Variants in CKAP2 observed in about 807,000 individuals in gnomAD.
CKAP2 encodes cytoskeleton-associated protein 2.
In CKAP2, 46 loss-of-function variants were observed where a neutral mutation model predicts 58.4. That is an observed-to-expected ratio of 0.79 (90% CI 0.62 to 1.01). The LOEUF (loss-of-function observed/expected upper bound fraction) is 1.01. CKAP2 is among the 50% of genes least tolerant of loss of function. CKAP2 has a pLI of 0.00. For synonymous variants in CKAP2, 293 were observed against 280.9 expected, an observed-to-expected ratio of 1.04 and a Z score of -0.43; for missense variants, 809 against 796.4, an observed-to-expected ratio of 1.02 and a Z score of -0.19.
Position 52,465,296 on chromosome 13 carries a change from G to A in CKAP2, c.1307G>A (p.Gly436Glu), listed in dbSNP as rs778889760. The A allele has an allele frequency of 6.3e-7, 1 of 1,597,986 alleles. No individual in the cohort carries two copies. Among genetic ancestry groups the A allele is most frequent in the Non-Finnish European group, 8.5e-7 (1 of 1,175,266 alleles). Residue 436 changes from glycine to glutamate, a missense_variant and splice_region_variant, in exon 6 of 9, where the codon GGA (glycine) becomes GAA (glutamate). Around this residue, in one of 3 missense-constraint regions of CKAP2, gnomAD observed 3 missense variants for 16.4 expected, o/e 0.18. Transcript: ENST00000258607. ...FSECLNLINE[G>E]CPKEDILVTL... ...ACACATTTTTTCTTGCTTTTTTAGG[G>A]ATGTCCAAAAGAAGATATACTGGTC...
chr13:52,462,613 C>T, intron 5 of CKAP2, 46 bp downstream of exon 5: 1 of 1,427,560 alleles, frequency 7.0e-7, no homozygotes, highest in Non-Finnish European at 9.7e-7. Flanking sequence ...TGCAAATTAC[C>T]TTCATAAGCA....
rs371432306 is a variant in CKAP2 at position 52,465,339 on chromosome 13, T to A, written c.1350T>A (p.Ile450=). The change falls in exon 6 of 9, where the codon ATT becomes ATA. Residue 450 remains isoleucine, a synonymous_variant. Coordinates refer to ENST00000258607, the MANE Select transcript of CKAP2 (RefSeq NM_018204.5). ...EDILVTLNDL[I]KNIPDAKKLV... ...TACTGGTCACACTGAATGACCTGAT[T>A]AAAAATATTCCAGATGCCAAAAAGC... 3 of 1,613,436 alleles carry A rather than the reference T, an allele frequency of 1.9e-6. No individual in the cohort carries two copies. The highest frequency in any genetic ancestry group is 2.5e-6 in the Non-Finnish European group (3 of 1,179,684).
At chr13:52,464,292 C>CT (rs1242423206) in intron 5 of CKAP2, among the ~76,000 whole-genome samples, 21 of 152,112 alleles carry the variant, frequency 1.4e-4, no homozygotes, top group African/African-American at 4.8e-4. Context: ...GTGGCTCACG[C>CT]CTGTAATCCC....
At chr13:52,455,897 G>T in intron 1 of CKAP2, 1 of 1,098,878 alleles carries the variant, frequency 9.1e-7, no homozygotes, top group Non-Finnish European at 1.1e-6. Context: ...GGAAACGCGC[G>T]GGCCTCAGGC....
chr13:52,474,881 G>A lies in CKAP2; in HGVS notation c.1803-14G>A. 1.2e-6 allele frequency: 2 copies of A among 1,605,588 alleles called. No individual in the cohort carries two copies. Among genetic ancestry groups the A allele is most frequent in the Middle Eastern group, 1.7e-4 (1 of 5,986 alleles). ...ACATGTTTTTGAACTCTGGAATATTGTTTTAATTTTCAGTGTGAAAAAAAA... is the reference window on the plus strand; with the variant it reads ...ACATGTTTTTGAACTCTGGAATATTATTTTAATTTTCAGTGTGAAAAAAAA... On this transcript the variant is annotated splice_polypyrimidine_tract_variant and intron_variant, in intron 8 of 8. Transcript: ENST00000258607.
At chr13:52,468,659 C>T (rs192733761) in intron 7 of CKAP2, among the ~76,000 whole-genome samples, 17 of 152,272 alleles carry the variant, frequency 1.1e-4, no homozygotes, top group South Asian at 2.1e-4. Context: ...CCTGTGTTTG[C>T]GAAGGATAAT....
intron 2 of CKAP2, among the ~76,000 whole-genome samples, chr13:52,457,500 G>A (rs932133672): frequency 2.6e-5 from 4 of 152,158 alleles, no homozygotes; most frequent in Admixed American, 1.3e-4. Context: ...ACCCATGAAA[G>A]TAGATGAAGC....
chr13:52,466,645 C>T (rs1417604266), intron 6 of CKAP2, among the ~76,000 whole-genome samples: 1 of 152,168 alleles, frequency 6.6e-6, no homozygotes, highest in African/African-American at 2.4e-5. Context: ...AGATGTAACA[C>T]CAGAGGAAAA....
intron 2 of CKAP2, among the ~76,000 whole-genome samples, chr13:52,457,846 T>G (rs893283654): frequency 1.6e-5 from 2 of 125,756 alleles, no homozygotes; most frequent in Non-Finnish European, 3.7e-5. Context: ...AGAGCGAGAC[T>G]CCGTCTCAAA....
In CKAP2 at chr13:52,476,263, T is replaced by C. The variant is rs977303393; in HGVS notation, c.*1122T>C. The C allele has an allele frequency of 6.6e-5, 10 of 152,224 alleles. No individual in the cohort carries two copies. Among genetic ancestry groups the C allele is most frequent in the African/African-American group, 1.7e-4 (7 of 41,474 alleles). 9.4% of individuals were successfully genotyped at this position (152,224 alleles called of 1,614,324 possible). A position where few individuals can be genotyped will look rare whatever the true frequency, so the allele number is the denominator to read the frequency against. On this transcript the variant is annotated 3_prime_UTR_variant, in exon 9 of 9. Transcript: ENST00000258607. ...ATGTTCATTCCACTTTGTATATCTT[T>C]TCTATTTATTGACTTCTCATGTTCT...
intron 7 of CKAP2, 56 bp downstream of exon 7, chr13:52,468,403 GT>G: frequency 9.2e-7 from 1 of 1,091,030 alleles, no homozygotes; most frequent in Non-Finnish European, 1.4e-6. Flanking sequence ...TTTTGTTGTT[GT>G]TTTTTAACTT....
chr13:52,466,047 A>T (rs1446241346), intron 6 of CKAP2, among the ~76,000 whole-genome samples: 1 of 151,994 alleles, frequency 6.6e-6, no homozygotes, highest in South Asian at 2.1e-4. Context: ...ATATACACAC[A>T]CACATATATA....
intron 7 of CKAP2, among the ~76,000 whole-genome samples, chr13:52,469,823 C>T (rs1363671996): frequency 6.7e-6 from 1 of 149,450 alleles, no homozygotes; most frequent in Non-Finnish European, 1.5e-5. Context: ...GTCTCGATCT[C>T]CTGACCTCAT....
intron 2 of CKAP2, 94 bp from the exon 3 acceptor site, chr13:52,460,805 G>C: frequency 5.7e-6 from 6 of 1,044,052 alleles, no homozygotes; most frequent in Non-Finnish European, 8.2e-6. Context: ...TAGTAAGTCA[G>C]TTAATTGTTA....
chr13:52,460,530 C>T (rs969847257), intron 2 of CKAP2, among the ~76,000 whole-genome samples: 19 of 150,588 alleles, frequency 1.3e-4, no homozygotes, highest in African/African-American at 3.4e-4. Flanking sequence ...CTGCGAACTC[C>T]GCCTCCCGGG....
rs1594136251 is a variant in CKAP2, at chr13:52,461,731, G to T, written c.905G>T (p.Ser302Ile). 6.2e-7 allele frequency: 1 copy of T among 1,613,664 alleles called. No individual in the cohort carries two copies. Residue 302 changes from serine (S) to isoleucine (I), a missense_variant, in exon 4 of 9, where the codon AGT (serine) becomes ATT (isoleucine). By Grantham distance (142) the Ser-to-Ile change is moderately radical. Around this residue, in one of 3 missense-constraint regions of CKAP2, gnomAD observed 523 missense variants for 492.4 expected, o/e 1.06. Coordinates refer to ENST00000258607, the MANE Select transcript of CKAP2 (RefSeq NM_018204.5). ...SKTALSSVKT[S>I]SSQGIIRNKT... ...ACAGCTTTATCTAGTGTCAAAACCA[G>T]TTCTTCTCAAGGTATAATAAGAAAT...
In CKAP2 at chr13:52,472,697, C is replaced by T. The variant is rs570747899; in HGVS notation, c.1547-1132C>T. 3.7e-4 allele frequency among the ~76,000 whole-genome samples: 56 copies of T among 152,190 alleles called. No homozygotes were observed. In the South Asian group the frequency reaches 8.7e-3, roughly 24 times the overall value. On this transcript the variant is annotated intron_variant, in intron 7 of 8. Coordinates refer to ENST00000258607, the MANE Select transcript of CKAP2 (RefSeq NM_018204.5). ...GACTCTTAAGAAATGTTGGATAAGA[C>T]GCTCCTAATACATTTGCACACTCAT...
At chr13:52,459,653 C>T (rs544429138) in intron 2 of CKAP2, among the ~76,000 whole-genome samples, 2 of 152,022 alleles carry the variant, frequency 1.3e-5, no homozygotes, top group South Asian at 2.1e-4. Context: ...TGAGAGATCA[C>T]GCATTTTAAT....
chr13:52,474,957 C>T lies in CKAP2; in HGVS notation c.1865C>T (p.Thr622Ile). 2 of 1,613,642 alleles carry T rather than the reference C, an allele frequency of 1.2e-6. No individual in the cohort carries two copies. The highest frequency in any genetic ancestry group is 1.7e-6 in the Non-Finnish European group (2 of 1,179,546). The change falls in exon 9 of 9, where the codon ACA becomes ATA. Residue 622 changes from threonine (T) to isoleucine (I), a missense_variant. By Grantham distance (89) the Thr-to-Ile change is moderately conservative. This residue lies in a region of CKAP2 where 283 missense variants were observed against 287.6 expected (regional missense o/e 0.98). Coordinates refer to ENST00000258607, the MANE Select transcript of CKAP2 (RefSeq NM_018204.5). ...GCATTTAAAGAGCTGAAGTTTTTAACACCAGTGAGACGTTCTCGACGTCTT... is the reference window on the plus strand; with the variant it reads ...GCATTTAAAGAGCTGAAGTTTTTAATACCAGTGAGACGTTCTCGACGTCTT... The part of the protein sequence containing the change: ...NSAFKELKFL[T>I]PVRRSRRLQE...
Sources: allele counts gnomAD v4.1 joint callset (sites outside exome capture counted in the v4.1 genomes callset), GRCh38; gene constraint gnomAD v4.1.1; regional missense constraint gnomAD v4.1.1; transcripts MANE v1.5; gene names NCBI Gene and HGNC (gene_info 2026-07-23, HGNC 2026-07-21).